UBE2Q2: variants seen among roughly 807,000 people sequenced by gnomAD.
UBE2Q2 encodes ubiquitin conjugating enzyme E2 Q2.
A neutral mutation model predicts 59.9 loss-of-function variants in UBE2Q2; 54 were observed. The observed-to-expected ratio is 0.90, with a 90% CI of 0.72 to 1.13. The LOEUF is 1.13. UBE2Q2 is among the 50% of genes most tolerant of loss of function. The probability of loss-of-function intolerance (pLI) is 0.00; values close to 1 mark genes in which losing one functional copy is unlikely to be tolerated. For synonymous variants in UBE2Q2, 165 were observed against 155.2 expected (o/e 1.06, Z -0.47); for missense variants, 433 against 441.9 (o/e 0.98, Z 0.18).
chr15:75,845,999 A>C (rs1239829946), intron 1 of UBE2Q2, among the ~76,000 whole-genome samples: 1 of 152,362 alleles, frequency 6.6e-6, no homozygotes. Context: ...ATGACAGACT[A>C]TCAGGAGATA....
At chr15:75,858,395 A>G (rs1403295195) in intron 2 of UBE2Q2, among the ~76,000 whole-genome samples, 3 of 152,164 alleles carry the variant, frequency 2.0e-5, no homozygotes, top group Admixed American at 6.5e-5. Context: ...GAGTGGGACA[A>G]AATGAAATAA....
rs1898181557 is a variant in UBE2Q2, at chr15:75,877,992, T to C, written c.705T>C (p.Ser235=). 2 of 1,613,602 alleles carry C rather than the reference T, an allele frequency of 1.2e-6. No individual in the cohort carries two copies. Among genetic ancestry groups the C allele is most frequent in the African/African-American group, 1.3e-5 (1 of 74,924 alleles). ...GIYSVELIND[S]LYDWHVKLQK... ...ATTCAGTGGAACTCATAAATGACAGTTTATATGACTGGCATGTTAAACTGC... is the reference window on the plus strand; with the variant it reads ...ATTCAGTGGAACTCATAAATGACAGCTTATATGACTGGCATGTTAAACTGC... Residue 235 remains serine (S), a synonymous_variant, in exon 7 of 13, where the codon AGT becomes AGC. Coordinates refer to ENST00000267938, the MANE Select transcript of UBE2Q2 (RefSeq NM_173469.4).
intron 9 of UBE2Q2, among the ~76,000 whole-genome samples, chr15:75,887,052 AATTG>A (rs1328439717): frequency 2.0e-5 from 3 of 152,004 alleles, no homozygotes; most frequent in Admixed American, 6.5e-5. Context: ...GTAGTTTCTT[AATTG>A]ATTCTTTTTT....
At chr15:75,844,360 A>G (rs1896205023) in intron 1 of UBE2Q2, 2 of 1,550,734 alleles carry the variant, frequency 1.3e-6, no homozygotes, top group African/African-American at 1.4e-5. Flanking sequence ...GACAATGAGA[A>G]TGGACTCGTT....
intron 8 of UBE2Q2, among the ~76,000 whole-genome samples, chr15:75,882,188 G>C (rs1595889491): frequency 6.6e-6 from 1 of 152,160 alleles, no homozygotes; most frequent in African/African-American, 2.4e-5. Context: ...TCTTTAAAAT[G>C]TTCCTCTTCC....
intron 5 of UBE2Q2, 150 bp downstream of exon 5, chr15:75,873,718 G>GCAAGACCCT: frequency 1.1e-6 from 1 of 895,618 alleles, no homozygotes; most frequent in Non-Finnish European, 1.7e-6. Flanking sequence ...TTTAAAACAG[G>GCAAGACCCT]GTCTTGCTCT....
At chr15:75,844,147 TGTG>T (rs1195033035) in intron 1 of UBE2Q2, 4 of 1,420,540 alleles carry the variant, frequency 2.8e-6, no homozygotes, top group African/African-American at 1.4e-5. Context: ...CCCAAGCCCT[TGTG>T]GGGTCCATGG....
At chr15:75,865,801 GT>G (rs1045734352) in intron 3 of UBE2Q2, among the ~76,000 whole-genome samples, 3 of 139,104 alleles carry the variant, frequency 2.2e-5, no homozygotes, top group African/African-American at 7.6e-5. Context: ...ATAATATCTG[GT>G]TGTTTTTTTT....
intron 3 of UBE2Q2, among the ~76,000 whole-genome samples, chr15:75,866,057 A>G (rs1423728448): frequency 6.6e-6 from 1 of 152,152 alleles, no homozygotes; most frequent in Non-Finnish European, 1.5e-5. Flanking sequence ...ATTTGTTACA[A>G]ATGAAAAGTC....
chr15:75,879,828 TG>T (rs1423655650), intron 8 of UBE2Q2, among the ~76,000 whole-genome samples: 1 of 152,134 alleles, frequency 6.6e-6, no homozygotes, highest in Non-Finnish European at 1.5e-5. Context: ...CACTTATTTA[TG>T]GATTCATACG....
intron 5 of UBE2Q2, among the ~76,000 whole-genome samples, chr15:75,875,743 A>G (rs1034155157): frequency 6.6e-6 from 1 of 152,144 alleles, no homozygotes; most frequent in African/African-American, 2.4e-5. Flanking sequence ...ATAATGCTTC[A>G]TTTAATTGGG....
At chr15:75,844,511 GC>G in intron 1 of UBE2Q2, 1 of 1,549,962 alleles carries the variant, frequency 6.5e-7, no homozygotes, top group Non-Finnish European at 8.7e-7. Flanking sequence ...TATTCGTGTG[GC>G]CCCTCCCTTG....
At chr15:75,844,155 C>G (rs1030772600) in intron 1 of UBE2Q2, 22 of 1,433,874 alleles carry the variant, frequency 1.5e-5, no homozygotes, top group Non-Finnish European at 1.5e-5. Context: ...CTTGTGGGGT[C>G]CATGGCCGCC....
chr15:75,847,204 A>T (rs1236730306), intron 1 of UBE2Q2, among the ~76,000 whole-genome samples: 6 of 152,226 alleles, frequency 3.9e-5, no homozygotes, highest in African/African-American at 1.4e-4. Context: ...ATTTGAGTAT[A>T]TAGCGCTATT....
chr15:75,875,099 C>G (rs2141622224), intron 5 of UBE2Q2, among the ~76,000 whole-genome samples: 1 of 152,280 alleles, frequency 6.6e-6, no homozygotes, highest in East Asian at 1.9e-4. Context: ...GTGATCGATT[C>G]CAGTTTGAGT....
intron 1 of UBE2Q2, among the ~76,000 whole-genome samples, chr15:75,849,222 A>C (rs1896511012): frequency 6.6e-6 from 1 of 152,222 alleles, no homozygotes; most frequent in Admixed American, 6.5e-5. Context: ...CTATATGCTA[A>C]TTCTGTCAAT....
chr15:75,863,627 C>T (rs942794500), intron 3 of UBE2Q2, among the ~76,000 whole-genome samples: 3 of 149,984 alleles, frequency 2.0e-5, no homozygotes, highest in African/African-American at 7.4e-5. Flanking sequence ...TTATAAACAT[C>T]TATGATCACC....
intron 8 of UBE2Q2, among the ~76,000 whole-genome samples, chr15:75,880,201 C>T (rs1898326535): frequency 6.6e-6 from 1 of 151,366 alleles, no homozygotes; most frequent in Admixed American, 6.6e-5. Flanking sequence ...CAACCTCTGC[C>T]TCCTAGGTTC....
intron 9 of UBE2Q2, among the ~76,000 whole-genome samples, chr15:75,889,323 C>G (rs896754948): frequency 6.6e-6 from 1 of 152,140 alleles, no homozygotes; most frequent in Admixed American, 6.5e-5. Context: ...GAGACACTTG[C>G]TTGGATTCTC....
Sources: allele counts gnomAD v4.1 joint callset (sites outside exome capture counted in the v4.1 genomes callset), GRCh38; gene constraint gnomAD v4.1.1; transcripts MANE v1.5; gene names NCBI Gene and HGNC (gene_info 2026-07-23, HGNC 2026-07-21).